Variants in UTP20 observed in about 807,000 individuals in gnomAD.
UTP20 encodes UTP20 small subunit processome component.
Under a neutral mutation model 329.5 loss-of-function variants are expected in UTP20, and 164 were observed. The ratio of observed to expected loss-of-function variants is 0.50; its 90% CI spans 0.44 to 0.57. The LOEUF (loss-of-function observed/expected upper bound fraction) is 0.57. Among genes scored for constraint, UTP20 ranks in the 20% least tolerant of loss-of-function variants. UTP20 has a pLI of 0.00. For synonymous variants in UTP20, 1,151 were observed against 1,159.3 expected, an observed-to-expected ratio of 0.99 and a Z score of 0.14; for missense variants, 3,055 against 3,284.2, an observed-to-expected ratio of 0.93 and a Z score of 1.71.
rs111661384 is a variant in UTP20, at chr12:101,314,424, C to T, written c.2552+2148C>T. Among the ~76,000 whole-genome samples the T allele has an allele frequency of 4.3e-3, 652 of 152,046 alleles. 5 individuals are homozygous for T. The highest frequency in any genetic ancestry group is 0.014 in the African/African-American group (599 of 41,492). The stretch of plus-strand genomic sequence containing the variant: ...CTGTAATCCCAGCACTTTGGGAGGC[C>T]GAGGCTGGTGGATCACAAGGTCAGG... On this transcript the variant is annotated intron_variant, in intron 21 of 61. Coordinates refer to ENST00000261637, the MANE Select transcript of UTP20 (RefSeq NM_014503.3).
chr12:101,370,973 T>C lies in UTP20; in HGVS notation c.6688-85T>C, dbSNP rs947452366. 60 of 1,114,354 alleles carry C rather than the reference T, an allele frequency of 5.4e-5. 1 individual carries two copies. Among genetic ancestry groups the C allele is most frequent in the South Asian group, 2.9e-4 (20 of 69,240 alleles). The allele number at this position is 1,114,354 out of a possible 1,614,324, so 69.0% of individuals were successfully genotyped here. A position where few individuals can be genotyped will look rare whatever the true frequency, so the allele number is the denominator to read the frequency against. ...TACTTTCTTGTGTTTGAAAATGTCC[T>C]GTGGTTGCTTTAGCGTCAAATCTGC... On this transcript the variant is annotated intron_variant, in intron 50 of 61. Coordinates refer to ENST00000261637, the MANE Select transcript of UTP20 (RefSeq NM_014503.3).
chr12:101,376,846 C>G (rs1430042131), intron 56 of UTP20, among the ~76,000 whole-genome samples: 1 of 152,140 alleles, frequency 6.6e-6, no homozygotes, highest in Admixed American at 6.5e-5. Context: ...TGGGGTTTCA[C>G]CATGTTGGCC....
intron 14 of UTP20, among the ~76,000 whole-genome samples, chr12:101,301,131 A>G (rs1233127837): frequency 6.6e-6 from 1 of 152,224 alleles, no homozygotes; most frequent in Admixed American, 6.5e-5. Flanking sequence ...GCTGCTTACC[A>G]GATCTGACTT....
At chr12:101,297,403 C>T (rs1230814268) in intron 12 of UTP20, among the ~76,000 whole-genome samples, 7 of 151,886 alleles carry the variant, frequency 4.6e-5, no homozygotes, top group Non-Finnish European at 8.8e-5. Context: ...TTTGTAGAGA[C>T]GAGGTCTCGC....
intron 31 of UTP20, among the ~76,000 whole-genome samples, chr12:101,339,985 A>G (rs892178951): frequency 1.3e-5 from 2 of 152,202 alleles, no homozygotes; most frequent in African/African-American, 2.4e-5. Flanking sequence ...GCTATGTAGT[A>G]GTAGAAGGAT....
intron 42 of UTP20, 82 bp downstream of exon 42, chr12:101,356,775 G>T: frequency 6.6e-7 from 1 of 1,523,406 alleles, no homozygotes; most frequent in African/African-American, 1.4e-5. Context: ...TCTTTTGTCA[G>T]GAAGAGGAAA....
At position 101,379,572 on chromosome 12, in the gene UTP20, C is replaced by G. The variant is rs1407058730; in HGVS notation, c.7584+14C>G. The G allele has an allele frequency of 2.5e-6, 4 of 1,602,162 alleles. No homozygotes were observed. Among genetic ancestry groups the G allele is most frequent in the Non-Finnish European group, 3.4e-6 (4 of 1,172,246 alleles). On this transcript the variant is annotated intron_variant, in intron 57 of 61. Coordinates refer to ENST00000261637, the MANE Select transcript of UTP20 (RefSeq NM_014503.3). ...CTTGACCAAAAGGTAAGCTTTCTCT[C>G]AAACCTTTTCCTTCCCTCGTGACTG...
At chr12:101,378,545 CCT>C (rs1279730177) in intron 56 of UTP20, among the ~76,000 whole-genome samples, 2 of 152,028 alleles carry the variant, frequency 1.3e-5, no homozygotes, top group East Asian at 3.9e-4. Flanking sequence ...ATGATGAAAC[CCT>C]GTCTCTACTA....
At chr12:101,334,075 T>C (rs1050018095) in intron 28 of UTP20, among the ~76,000 whole-genome samples, 5 of 152,252 alleles carry the variant, frequency 3.3e-5, no homozygotes, top group Admixed American at 3.3e-4. Flanking sequence ...ATTTCTCTGG[T>C]TGTAACCCCT....
At chr12:101,377,314 G>A (rs886097730) in intron 56 of UTP20, among the ~76,000 whole-genome samples, 3 of 151,966 alleles carry the variant, frequency 2.0e-5, no homozygotes, top group African/African-American at 7.3e-5. Flanking sequence ...AATCCATCCT[G>A]TTCCCCAAAA....
At chr12:101,360,754 G>A (rs11110767) in intron 43 of UTP20, among the ~76,000 whole-genome samples, 19,849 of 151,996 alleles carry the variant, frequency 0.13, 1,472 homozygotes, top group Middle Eastern at 0.24. Context: ...TCTTGAACCC[G>A]GGAGGCAGAG....
intron 56 of UTP20, among the ~76,000 whole-genome samples, chr12:101,378,883 T>C (rs1201749515): frequency 6.6e-6 from 1 of 152,148 alleles, no homozygotes; most frequent in East Asian, 1.9e-4. Flanking sequence ...CCAGTGCCTC[T>C]CCCACCTCAC....
At chr12:101,281,650 A>G (rs1871800577) in intron 2 of UTP20, among the ~76,000 whole-genome samples, 1 of 152,146 alleles carries the variant, frequency 6.6e-6, no homozygotes, top group South Asian at 2.1e-4. Flanking sequence ...AGACTACATA[A>G]TATTTTCCAG....
chr12:101,316,029 T>G (rs1388072009), intron 21 of UTP20, among the ~76,000 whole-genome samples: 1 of 152,212 alleles, frequency 6.6e-6, no homozygotes, highest in African/African-American at 2.4e-5. Flanking sequence ...AAATAATACA[T>G]TTATAGATGA....
rs374746963 is a variant in UTP20 at position 101,339,719 on chromosome 12, T to C, written c.4013+762T>C. 2.1e-4 allele frequency among the ~76,000 whole-genome samples: 32 copies of C among 152,166 alleles called. 1 individual carries two copies. The South Asian group carries it at 6.2e-3, about 30-fold the overall frequency. ...GTCTGTTTGGCAGTAGACCTAGGAG[T>C]GTATTGTGATTTCGGTAAAGGGAAA... On this transcript the variant is annotated intron_variant, in intron 31 of 61. Coordinates refer to ENST00000261637, the MANE Select transcript of UTP20 (RefSeq NM_014503.3).
intron 54 of UTP20, among the ~76,000 whole-genome samples, 198 bp downstream of exon 54, chr12:101,373,965 G>A (rs1197790508): frequency 2.6e-5 from 4 of 152,198 alleles, no homozygotes; most frequent in Non-Finnish European, 5.9e-5. Flanking sequence ...GCCGGGCGCG[G>A]TGGCTCACGC....
rs1468368229 is a variant in UTP20 at position 101,369,804 on chromosome 12, A to G, written c.6468A>G (p.Thr2156=). 3 of 1,613,812 alleles carry G rather than the reference A, an allele frequency of 1.9e-6. No individual in the cohort carries two copies. The highest frequency in any genetic ancestry group is 2.5e-6 in the Non-Finnish European group (3 of 1,179,740). Residue 2156 remains threonine (T), a synonymous_variant, in exon 49 of 62, where the codon ACA becomes ACG. Coordinates refer to ENST00000261637, the MANE Select transcript of UTP20 (RefSeq NM_014503.3). ...TAGAAACAAAAGCAGAGCAGCTGAC[A>G]AAACACCTCTTCCTTCTGCTGAAGG... The part of the protein sequence containing the change: ...PSIETKAEQL[T]KHLFLLLKDY...
chr12:101,313,774 A>C (rs972979415), intron 21 of UTP20, among the ~76,000 whole-genome samples: 1 of 151,968 alleles, frequency 6.6e-6, no homozygotes, highest in Non-Finnish European at 1.5e-5. Flanking sequence ...GGACAGAATC[A>C]AGGATGTTCC....
chr12:101,299,864 T>A, intron 13 of UTP20, 27 bp downstream of exon 13: 1 of 1,600,978 alleles, frequency 6.2e-7, no homozygotes, highest in Non-Finnish European at 8.5e-7. Context: ...TGTTTAATTT[T>A]GAAAGAGATA....
Sources: gnomAD v4.1 joint callset for allele counts (sites outside exome capture counted in the v4.1 genomes callset) on GRCh38, gnomAD v4.1.1 for gene constraint, MANE v1.5 for transcripts, NCBI Gene and HGNC (gene_info 2026-07-23, HGNC 2026-07-21) for gene names.